BLVRA: variants seen among roughly 807,000 people sequenced by gnomAD.
BLVRA encodes BVR A.
In BLVRA, 22 loss-of-function variants were observed where a neutral mutation model predicts 32.8. The ratio of observed to expected loss-of-function variants is 0.67; its 90% CI spans 0.48 to 0.96. The LOEUF is 0.96. Among genes scored for constraint, BLVRA ranks in the 40% least tolerant of loss-of-function variants. The probability of loss-of-function intolerance (pLI) is 0.00; values close to 1 mark genes in which losing one functional copy is unlikely to be tolerated. For missense variants in BLVRA, 323 were observed against 358.1 expected (o/e 0.90, Z 0.79); for synonymous variants, 119 against 141.3 (o/e 0.84, Z 1.12).
chr7:43,800,391 A>T, intron 5 of BLVRA, 74 bp from the exon 6 acceptor site: 1 of 1,391,158 alleles, frequency 7.2e-7, no homozygotes. Context: ...TTAGGGGATG[A>T]CAGAGTACCC....
Position 43,807,292 on chromosome 7 carries a change from A to G in BLVRA, c.*57A>G. 1 of 1,593,962 alleles carries G rather than the reference A, an allele frequency of 6.3e-7. No homozygotes were observed. The highest frequency in any genetic ancestry group is 2.2e-5 in the East Asian group (1 of 44,828). ...GCACCAGCATTTGGTTCTTCTCAAG[A>G]GTTGACCATTATCTCTATTCTTAAA... On this transcript the variant is annotated 3_prime_UTR_variant, in exon 8 of 8. Coordinates refer to ENST00000265523, the MANE Select transcript of BLVRA (RefSeq NM_000712.4).
At chr7:43,761,794 A>G (rs1295697860) in intron 1 of BLVRA, among the ~76,000 whole-genome samples, 1 of 152,222 alleles carries the variant, frequency 6.6e-6, no homozygotes, top group African/African-American at 2.4e-5. Flanking sequence ...ATGTTAACTA[A>G]TCTTTATAGA....
chr7:43,777,162 T>G (rs1373491801), intron 2 of BLVRA, among the ~76,000 whole-genome samples: 4 of 151,716 alleles, frequency 2.6e-5, no homozygotes, highest in Non-Finnish European at 5.9e-5. Flanking sequence ...AATATTGTTA[T>G]GTGTGAATTT....
intron 2 of BLVRA, among the ~76,000 whole-genome samples, chr7:43,786,535 C>G (rs1411242706): frequency 6.6e-6 from 1 of 152,220 alleles, no homozygotes; most frequent in Non-Finnish European, 1.5e-5. Flanking sequence ...CCAACTTGAT[C>G]TAACAGACTT....
intron 1 of BLVRA, among the ~76,000 whole-genome samples, chr7:43,759,804 T>C (rs1382171278): frequency 1.3e-5 from 2 of 152,194 alleles, no homozygotes; most frequent in Non-Finnish European, 2.9e-5. Flanking sequence ...TAAAAGATTG[T>C]ATTGATAAAT....
In BLVRA at chr7:43,788,011, T is replaced by G; in HGVS notation, c.120T>G (p.Ile40Met). The change falls in exon 3 of 8, where the codon ATT becomes ATG. Residue 40 changes from isoleucine (I) to methionine (M), a missense_variant. By Grantham distance (10) the Ile-to-Met change is conservative (BLOSUM62 1). Coordinates refer to ENST00000265523, the MANE Select transcript of BLVRA (RefSeq NM_000712.4). The stretch of plus-strand genomic sequence containing the variant: ...CTTCCTCAGCGTTCCTGAACCTGAT[T>G]GGCTTCGTGTCGAGGTGGCTCACAA... ...PHPSSAFLNL[I>M]GFVSRRELGS... The G allele has an allele frequency of 6.2e-7, 1 of 1,614,182 alleles. No individual in the cohort carries two copies. The highest frequency in any genetic ancestry group is 8.5e-7 in the Non-Finnish European group (1 of 1,180,034).
intron 5 of BLVRA, among the ~76,000 whole-genome samples, chr7:43,794,790 A>G (rs2095789914): frequency 1.3e-5 from 2 of 152,242 alleles, no homozygotes; most frequent in Non-Finnish European, 2.9e-5. Flanking sequence ...ACAAAAAAAT[A>G]CAAACTATGT....
At chr7:43,793,929 T>C (rs1300343143) in intron 5 of BLVRA, among the ~76,000 whole-genome samples, 2 of 143,996 alleles carry the variant, frequency 1.4e-5, no homozygotes, top group Non-Finnish European at 3.1e-5. Flanking sequence ...GCATACAAAA[T>C]TTTTAATTAC....
intron 1 of BLVRA, among the ~76,000 whole-genome samples, chr7:43,766,999 C>T (rs1048593565): frequency 2.0e-5 from 3 of 152,004 alleles, no homozygotes; most frequent in South Asian, 2.1e-4. Flanking sequence ...AAACCCTGAC[C>T]CTGAAAAATA....
intron 3 of BLVRA, among the ~76,000 whole-genome samples, chr7:43,788,796 C>CTGGATAAT (rs2095781635): frequency 6.6e-6 from 1 of 150,600 alleles, no homozygotes; most frequent in South Asian, 2.1e-4. Context: ...ACCACCACGC[C>CTGGATAAT]TGGATAATTT....
intron 7 of BLVRA, among the ~76,000 whole-genome samples, chr7:43,805,875 A>G (rs1163794503): frequency 6.6e-6 from 1 of 152,126 alleles, no homozygotes; most frequent in East Asian, 1.9e-4. Context: ...CACAAACTGC[A>G]TTTTTATCTC....
At chr7:43,771,393 C>T (rs887910999) in intron 2 of BLVRA, among the ~76,000 whole-genome samples, 4 of 152,192 alleles carry the variant, frequency 2.6e-5, no homozygotes, top group Non-Finnish European at 4.4e-5. Context: ...TTACCCACTG[C>T]AGCTAATCCT....
chr7:43,806,121 TG>T (rs1280295158), intron 7 of BLVRA, among the ~76,000 whole-genome samples: 3 of 152,122 alleles, frequency 2.0e-5, no homozygotes, highest in African/African-American at 2.4e-5. Context: ...AAGACCAGCT[TG>T]GCCAACATGG....
At chr7:43,762,143 C>T (rs2132540695) in intron 1 of BLVRA, among the ~76,000 whole-genome samples, 1 of 152,252 alleles carries the variant, frequency 6.6e-6, no homozygotes, top group Middle Eastern at 3.4e-3. Context: ...AAGGTCACAG[C>T]TGTAGTTCAT....
chr7:43,775,626 C>T (rs1256754737), intron 2 of BLVRA, among the ~76,000 whole-genome samples: 1 of 152,172 alleles, frequency 6.6e-6, no homozygotes, highest in Non-Finnish European at 1.5e-5. Flanking sequence ...CTCTGCCAGG[C>T]TTTGGTATCA....
chr7:43,783,482 G>A lies in BLVRA; in HGVS notation c.13-4422G>A, dbSNP rs77628524. ...CTTTCAATATATAAAGGGCTTCCTC[G>A]TTCTTTTATTTTTATATTGCCATGT... On this transcript the variant is annotated intron_variant, in intron 2 of 7. Coordinates refer to ENST00000265523, the MANE Select transcript of BLVRA (RefSeq NM_000712.4). 2.2e-3 allele frequency among the ~76,000 whole-genome samples: 342 copies of A among 152,202 alleles called. 4 individuals are homozygous for A. Among genetic ancestry groups the A allele is most frequent in the East Asian group, 0.015 (77 of 5,178 alleles).
chr7:43,787,936 T>C lies in BLVRA; in HGVS notation c.45T>C (p.Gly15=), dbSNP rs775346802. 2.3e-5 allele frequency: 37 copies of C among 1,614,042 alleles called. No individual in the cohort carries two copies. The highest frequency in any genetic ancestry group is 3.1e-5 in the Non-Finnish European group (36 of 1,180,024). The change falls in exon 3 of 8, where the codon GGT becomes GGC. Residue 15 remains glycine (G), a synonymous_variant. Coordinates refer to ENST00000265523, the MANE Select transcript of BLVRA (RefSeq NM_000712.4). The surrounding 1 kb of genome is among the most constrained non-coding windows in gnomAD (Gnocchi z 4.5). The part of the protein sequence containing the change: ...PERKFGVVVV[G]VGRAGSVRMR... Reference sequence around the variant, plus strand: ...GGAAGTTTGGCGTGGTGGTGGTTGGTGTTGGCCGAGCCGGCTCCGTGCGGA... The same window carrying C: ...GGAAGTTTGGCGTGGTGGTGGTTGGCGTTGGCCGAGCCGGCTCCGTGCGGA...
At chr7:43,800,360 A>G in intron 5 of BLVRA, 105 bp from the exon 6 acceptor site, 2 of 1,101,550 alleles carry the variant, frequency 1.8e-6, no homozygotes, top group Non-Finnish European at 2.8e-6. Context: ...CAGGGCAGTT[A>G]TGAGTGCTTC....
At chr7:43,790,439 A>T (rs189848118) in intron 3 of BLVRA, among the ~76,000 whole-genome samples, 3 of 152,138 alleles carry the variant, frequency 2.0e-5, no homozygotes, top group Admixed American at 6.5e-5. Context: ...ACACACACAC[A>T]CACAAACACA....
Sources: gnomAD v4.1 joint callset for allele counts (sites outside exome capture counted in the v4.1 genomes callset) on GRCh38, gnomAD v4.1.1 for gene constraint, Gnocchi (gnomAD v3.1) non-coding constraint, MANE v1.5 for transcripts, NCBI Gene and HGNC (gene_info 2026-07-23, HGNC 2026-07-21) for gene names.